KIF13A: variants seen among roughly 807,000 people sequenced by gnomAD.
The protein encoded by KIF13A is kinesin-like protein KIF13A.
A neutral mutation model predicts 212.2 loss-of-function variants in KIF13A; 79 were observed. The ratio of observed to expected loss-of-function variants is 0.37; its 90% CI spans 0.31 to 0.45. The LOEUF (loss-of-function observed/expected upper bound fraction) is 0.45. Ranked by LOEUF, KIF13A falls within the 20% of genes least tolerant of loss-of-function variation. The pLI, the probability that KIF13A is intolerant of heterozygous loss-of-function variation, is 1.00. For synonymous variants in KIF13A, 789 were observed against 808.6 expected, an observed-to-expected ratio of 0.98 and a Z score of 0.41; for missense variants, 1,901 against 2,209.0, an observed-to-expected ratio of 0.86 and a Z score of 2.79.
In KIF13A at chr6:17,968,440, G is replaced by GGT. The variant is rs1006801534; in HGVS notation, c.146+18612_146+18613dup. 1.8e-4 allele frequency among the ~76,000 whole-genome samples: 28 copies of GGT among 152,298 alleles called. No homozygotes were observed. Among genetic ancestry groups the GGT allele is most frequent in the African/African-American group, 6.3e-4 (26 of 41,562 alleles). ...CAAGAATGCCCAACTACATCAGGTT[G>GGT]GTGTAGGGTCCATTCATCCAGTCTG... On this transcript the variant is annotated intron_variant, in intron 2 of 38. Transcript: ENST00000259711. The surrounding 1 kb of genome is among the most constrained non-coding windows in gnomAD (Gnocchi z 4.7).
In KIF13A at chr6:17,771,413, C is replaced by A. The variant is rs891412341; in HGVS notation, c.4477-195G>T. On this transcript the variant is annotated intron_variant, in intron 37 of 38. Coordinates refer to ENST00000259711, the MANE Select transcript of KIF13A (RefSeq NM_022113.6). The surrounding 1 kb of genome is among the most constrained non-coding windows in gnomAD (Gnocchi z 5.4). The stretch of plus-strand genomic sequence containing the variant: ...AATAAACAGATTCTGTGGCAAAAAG[C>A]ATAATTAGTCTTATTTAAAAAACAG... 2.5e-5 allele frequency: 14 copies of A among 557,804 alleles called. No homozygotes were observed. Among genetic ancestry groups the A allele is most frequent in the African/African-American group, 1.9e-4 (10 of 51,696 alleles). The allele number at this position is 557,804 out of a possible 1,614,324, so 34.6% of individuals were successfully genotyped here.
rs546606406 is a variant in KIF13A, at chr6:17,987,007, C to A, written c.146+47G>T. 8.3e-6 allele frequency: 12 copies of A among 1,440,134 alleles called. No homozygotes were observed. In the African/African-American group the frequency reaches 1.7e-4, roughly 20 times the overall value. 89.2% of individuals were successfully genotyped at this position (1,440,134 alleles called of 1,614,324 possible). A position where few individuals can be genotyped will look rare whatever the true frequency, so the allele number is the denominator to read the frequency against. On this transcript the variant is annotated intron_variant, in intron 2 of 38. Transcript: ENST00000259711. This position sits in a 1 kb window ranked among gnomAD's most constrained non-coding sequence, Gnocchi z 7.7. ...TTTTCCTGGCTCAAACTTGCGGGACCCCGCGAGGCTGGATCCTCCCAGCCG... is the reference window on the plus strand; with the variant it reads ...TTTTCCTGGCTCAAACTTGCGGGACACCGCGAGGCTGGATCCTCCCAGCCG...
At chr6:17,965,444 C>T (rs993538850) in intron 2 of KIF13A, among the ~76,000 whole-genome samples, 5 of 152,142 alleles carry the variant, frequency 3.3e-5, no homozygotes, top group Non-Finnish European at 5.9e-5. Flanking sequence ...TTTTAATAAC[C>T]AGTATTTCAA....
intron 2 of KIF13A, among the ~76,000 whole-genome samples, chr6:17,979,997 CAG>C (rs1173556085): frequency 6.6e-6 from 1 of 151,870 alleles, no homozygotes; most frequent in African/African-American, 2.4e-5. Context: ...CAGAAAAAAA[CAG>C]AGAACAAAGA....
Position 17,786,282 on chromosome 6 carries a change from A to G in KIF13A, c.3362-641T>C, listed in dbSNP as rs184769747. Among the ~76,000 whole-genome samples the G allele has an allele frequency of 2.0e-4, 30 of 152,302 alleles. No homozygotes were observed. The highest frequency in any genetic ancestry group is 6.7e-4 in the African/African-American group (28 of 41,580). On this transcript the variant is annotated intron_variant, in intron 27 of 38. Transcript: ENST00000259711. This position sits in a 1 kb window ranked among gnomAD's most constrained non-coding sequence, Gnocchi z 5.4. ...GTGACACTGCTTTATAGAACTATAC[A>G]TGATGTTACAAAGACAGGATTAAAA... is the stretch of plus-strand genomic sequence containing the variant.
At position 17,796,775 on chromosome 6, in the gene KIF13A, C is replaced by A; in HGVS notation, c.2836G>T (p.Asp946Tyr). The change falls in exon 23 of 39, where the codon GAT becomes TAT. Residue 946 changes from aspartate (D) to tyrosine (Y), a missense_variant. By Grantham distance (160) the Asp-to-Tyr change is radical. This residue lies in a region of KIF13A where 534 missense variants were observed against 536.9 expected (regional missense o/e 0.99). Coordinates refer to ENST00000259711, the MANE Select transcript of KIF13A (RefSeq NM_022113.6). ...VTEEFLEFIS[D>Y]GALAIEVWGH... Reference sequence around the variant, plus strand: ...CATACTTCAATGGCCAGTGCTCCATCTGAAATGAACTCCAGAAATTCTTCT... The same window carrying A: ...CATACTTCAATGGCCAGTGCTCCATATGAAATGAACTCCAGAAATTCTTCT... The A allele has an allele frequency of 6.3e-7, 1 of 1,579,018 alleles. No homozygotes were observed. Among genetic ancestry groups the A allele is most frequent in the African/African-American group, 1.4e-5 (1 of 73,270 alleles).
At position 17,828,291 on chromosome 6, in the gene KIF13A, A is replaced by G. The variant is rs1765149721; in HGVS notation, c.1481T>C (p.Ile494Thr). ...GIGIQPQHCE[I>T]DIASDGDVTL... is the part of the protein sequence containing the mutation. ...GACGTCTCCATCAGATGCAATGTCA[A>G]TCTCACAGTGCTGAGGCTGAATTCC... Residue 494 changes from isoleucine (I) to threonine (T), a missense_variant, in exon 14 of 39, where the codon ATT becomes ACT. Physicochemically the swap from Ile to Thr is moderately conservative, Grantham distance 89 (BLOSUM62 -1). Around this residue, in one of 5 missense-constraint regions of KIF13A, gnomAD observed 506 missense variants for 637.4 expected, o/e 0.79. Coordinates refer to ENST00000259711, the MANE Select transcript of KIF13A (RefSeq NM_022113.6). This position sits in a 1 kb window ranked among gnomAD's most constrained non-coding sequence, Gnocchi z 4.3. 1.2e-6 allele frequency: 2 copies of G among 1,610,198 alleles called. No homozygotes were observed. Among genetic ancestry groups the G allele is most frequent in the African/African-American group, 1.3e-5 (1 of 74,988 alleles).
chr6:17,764,672 C>T lies in KIF13A; in HGVS notation c.4856G>A (p.Ser1619Asn), dbSNP rs1758785253. 1.2e-6 allele frequency: 2 copies of T among 1,613,692 alleles called. No homozygotes were observed. The highest frequency in any genetic ancestry group is 2.7e-5 in the African/African-American group (2 of 74,906). ...CGTCTGAATGGCCAGCTGGTCTGAG[C>T]TGTCACTAGAAGGGACCACCATGTC... ...LSDMVVPSSD[S>N]SDQLAIQTKD... Residue 1619 changes from serine to asparagine, a missense_variant, in exon 39 of 39, where the codon AGC becomes AAC. Ser to Asn is a conservative substitution (Grantham distance 46, BLOSUM62 1). Coordinates refer to ENST00000259711, the MANE Select transcript of KIF13A (RefSeq NM_022113.6). The surrounding 1 kb of genome is among the most constrained non-coding windows in gnomAD (Gnocchi z 5.1).
At chr6:17,862,006 T>C (rs1315362578) in intron 4 of KIF13A, among the ~76,000 whole-genome samples, 1 of 152,186 alleles carries the variant, frequency 6.6e-6, no homozygotes, top group East Asian at 1.9e-4. Context: ...CTAGTTTTAT[T>C]TTTGTTATTA....
rs1760995011 is a variant in KIF13A, at chr6:17,785,678, G to C, written c.3362-37C>G. 6.3e-7 allele frequency: 1 copy of C among 1,582,386 alleles called. No homozygotes were observed. The highest frequency in any genetic ancestry group is 8.6e-7 in the Non-Finnish European group (1 of 1,163,684). ...AATGAGGAGATCAATGCCAACAAGAGAGAAAGTATGACTTCTCAGTTTACA... is the reference window on the plus strand; with the variant it reads ...AATGAGGAGATCAATGCCAACAAGACAGAAAGTATGACTTCTCAGTTTACA... On this transcript the variant is annotated intron_variant, in intron 27 of 38. Transcript: ENST00000259711. The surrounding 1 kb of genome is among the most constrained non-coding windows in gnomAD (Gnocchi z 5.8).
chr6:17,804,607 G>C, intron 19 of KIF13A, 97 bp from the exon 20 acceptor site: 1 of 1,169,870 alleles, frequency 8.5e-7, no homozygotes, highest in Non-Finnish European at 1.2e-6. Flanking sequence ...AAAATTTAAA[G>C]AATCTATCCA....
At chr6:17,937,396 T>C (rs549476210) in intron 2 of KIF13A, among the ~76,000 whole-genome samples, 1 of 152,338 alleles carries the variant, frequency 6.6e-6, no homozygotes, top group African/African-American at 2.4e-5. Flanking sequence ...GATCTCCAAT[T>C]GTTTTAGTCC....
chr6:17,856,052 A>G lies in KIF13A; in HGVS notation c.291T>C (p.Cys97=), dbSNP rs1768109388. The change falls in exon 5 of 39, where the codon TGT becomes TGC. Residue 97 remains cysteine (C), a synonymous_variant. Coordinates refer to ENST00000259711, the MANE Select transcript of KIF13A (RefSeq NM_022113.6). The surrounding 1 kb of genome is among the most constrained non-coding windows in gnomAD (Gnocchi z 4.5). ...LEKAFQGYNA[C]IFAYGQTGSG... ...TACCTGTCTGTCCATATGCAAAAAT[A>G]CACGCATTATACCCCTGAAAGGCTT... 1.2e-6 allele frequency: 2 copies of G among 1,613,208 alleles called. No homozygotes were observed. The highest frequency in any genetic ancestry group is 1.1e-5 in the South Asian group (1 of 91,028).
chr6:17,799,326 G>T lies in KIF13A; in HGVS notation c.2730C>A (p.Pro910=), dbSNP rs376400471. The T allele has an allele frequency of 1.2e-6, 2 of 1,613,246 alleles. No individual in the cohort carries two copies. The highest frequency in any genetic ancestry group is 3.3e-5 in the Admixed American group (2 of 59,958). ...ESTVAAPVVD[P]EVPSPQSKDA... is the part of the protein sequence containing the mutation. ...CCTTGGACTGTGGTGAAGGCACCTC[G>T]GGGTCCACCACCGGGGCAGCCACCG... The change falls in exon 22 of 39, where the codon CCC becomes CCA. Residue 910 remains proline (P), a synonymous_variant. Coordinates refer to ENST00000259711, the MANE Select transcript of KIF13A (RefSeq NM_022113.6). This position sits in a 1 kb window ranked among gnomAD's most constrained non-coding sequence, Gnocchi z 4.4.
intron 19 of KIF13A, 94 bp downstream of exon 19, chr6:17,805,381 G>A (rs1306169556): frequency 8.2e-6 from 2 of 244,070 alleles, no homozygotes; most frequent in Non-Finnish European, 1.5e-5. Context: ...GTGTGTGTGT[G>A]TGTGTGTGTG....
Position 17,839,877 on chromosome 6 carries a change from G to A in KIF13A, c.831-2294C>T, listed in dbSNP as rs765148919. 6.6e-6 allele frequency among the ~76,000 whole-genome samples: 1 copy of A among 152,164 alleles called. No homozygotes were observed. Among genetic ancestry groups the A allele is most frequent in the Non-Finnish European group, 1.5e-5 (1 of 68,026 alleles). On this transcript the variant is annotated intron_variant, in intron 9 of 38. Transcript: ENST00000259711. The surrounding 1 kb of genome is among the most constrained non-coding windows in gnomAD (Gnocchi z 4.3). Reference sequence around the variant, plus strand: ...GACCTGCTAAGAGGGAACAAACCCTGCTGACCCCTTGATTTCAGATTTCTC... The same window carrying A: ...GACCTGCTAAGAGGGAACAAACCCTACTGACCCCTTGATTTCAGATTTCTC...
chr6:17,777,312 T>C lies in KIF13A; in HGVS notation c.4135A>G (p.Ile1379Val), dbSNP rs746103151. The C allele has an allele frequency of 6.2e-7, 1 of 1,613,584 alleles. No homozygotes were observed. Among genetic ancestry groups the C allele is most frequent in the Admixed American group, 1.7e-5 (1 of 59,960 alleles). Residue 1379 changes from isoleucine (I) to valine (V), a missense_variant, in exon 34 of 39, where the codon ATT (isoleucine) becomes GTT (valine). Coordinates refer to ENST00000259711, the MANE Select transcript of KIF13A (RefSeq NM_022113.6). The surrounding 1 kb of genome is among the most constrained non-coding windows in gnomAD (Gnocchi z 4.4). The stretch of plus-strand genomic sequence containing the variant: ...TTTGGTGTACTGAGGCTCCTCCGAA[T>C]GTGCCGGGCTTTGGTGGAAAGTGCT... ...KEALSTKARH[I>V]RRSLSTPNVH...
Position 17,898,305 on chromosome 6 carries a change from T to C in KIF13A, c.147-125A>G, listed in dbSNP as rs1772749270. ...TAAATTCAGCACCTTGATAACATGA[T>C]CTGAAAGATATTCTTCTTCATGAAG... On this transcript the variant is annotated intron_variant, in intron 2 of 38. Transcript: ENST00000259711. This position sits in a 1 kb window ranked among gnomAD's most constrained non-coding sequence, Gnocchi z 5.2. 2 of 840,788 alleles carry C rather than the reference T, an allele frequency of 2.4e-6. No homozygotes were observed. The highest frequency in any genetic ancestry group is 1.7e-5 in the South Asian group (1 of 60,512). 52.1% of individuals were successfully genotyped at this position (840,788 alleles called of 1,614,324 possible).
In KIF13A at chr6:17,771,652, ATC is replaced by A. The variant is rs1421041358; in HGVS notation, c.4476+254_4476+255del. The A allele has an allele frequency of 7.4e-6, 3 of 403,056 alleles. No individual in the cohort carries two copies. The highest frequency in any genetic ancestry group is 1.3e-5 in the Non-Finnish European group (3 of 226,412). 25.0% of individuals were successfully genotyped at this position (403,056 alleles called of 1,614,324 possible). ...AATCTTTTCAAAACACCTAGAAAAC[ATC>A]TTTCTCACTTGAAACATAAAAAAAT... On this transcript the variant is annotated intron_variant, in intron 37 of 38. Transcript: ENST00000259711. The surrounding 1 kb of genome is among the most constrained non-coding windows in gnomAD (Gnocchi z 5.4).
Sources: allele counts gnomAD v4.1 joint callset (sites outside exome capture counted in the v4.1 genomes callset), GRCh38; gene constraint gnomAD v4.1.1; regional missense constraint gnomAD v4.1.1; non-coding constraint Gnocchi (gnomAD v3.1); transcripts MANE v1.5; gene names NCBI Gene and HGNC (gene_info 2026-07-23, HGNC 2026-07-21).